AZU1: variants seen among roughly 807,000 people sequenced by gnomAD.
The protein encoded by AZU1 is azurocidin 1, also known as azurocidin.
Under a neutral mutation model 17.8 loss-of-function variants are expected in AZU1, and 21 were observed. That is an observed-to-expected ratio of 1.18 (90% CI 0.84 to 1.70). AZU1 has a LOEUF of 1.70. AZU1 is among the 40% of genes most tolerant of loss of function. The probability of loss-of-function intolerance (pLI) is 0.00; values close to 1 mark genes in which losing one functional copy is unlikely to be tolerated. For synonymous variants in AZU1, 178 were observed against 155.2 expected (o/e 1.15, Z -1.09); for missense variants, 379 against 362.9 (o/e 1.04, Z -0.36).
chr19:829,951 T>C (rs1042025505), intron 3 of AZU1, among the ~76,000 whole-genome samples: 1 of 150,990 alleles, frequency 6.6e-6, no homozygotes, highest in Non-Finnish European at 1.5e-5. Context: ...TGTGTGTGTG[T>C]GTGTGTGTGT....
At chr19:830,270 TC>T in intron 3 of AZU1, among the ~76,000 whole-genome samples, 1 of 151,998 alleles carries the variant, frequency 6.6e-6, no homozygotes, top group East Asian at 1.9e-4. Flanking sequence ...AAAAAAAACT[TC>T]CAAAAACAAT....
intron 2 of AZU1, among the ~76,000 whole-genome samples, chr19:828,712 G>C: frequency 7.3e-6 from 1 of 137,646 alleles, no homozygotes; most frequent in Non-Finnish European, 1.6e-5. Context: ...AAGGGAAGGG[G>C]CTCAGATGGA....
chr19:830,599 A>G, intron 3 of AZU1, 109 bp from the exon 4 acceptor site: 1 of 1,007,108 alleles, frequency 9.9e-7, no homozygotes, highest in South Asian at 1.9e-5. Context: ...AATTAAACGC[A>G]AACCACTTAC....
chr19:829,108 G>T (rs1208587565), intron 2 of AZU1, among the ~76,000 whole-genome samples: 1 of 111,524 alleles, frequency 9.0e-6, no homozygotes. Context: ...GAGAAGGGAA[G>T]GGGGTCAGAT....
rs757599211 is a variant in AZU1 at position 828,270 on chromosome 19, G to A, written c.99G>A (p.Ala33=). ...PLLDIVGGRK[A]RPRQFPFLAS... is the part of the protein sequence containing the mutation. ...TGGACATCGTTGGCGGCCGGAAGGCGAGGCCCCGCCAGTTCCCGTTCCTGG... is the reference window on the plus strand; with the variant it reads ...TGGACATCGTTGGCGGCCGGAAGGCAAGGCCCCGCCAGTTCCCGTTCCTGG... The change falls in exon 2 of 5, where the codon GCG becomes GCA. Residue 33 remains alanine, a synonymous_variant. Transcript: ENST00000233997. The A allele has an allele frequency of 1.9e-5, 30 of 1,609,970 alleles. No individual in the cohort carries two copies. The highest frequency in any genetic ancestry group is 1.4e-4 in the South Asian group (13 of 90,716).
chr19:831,587 G>T (rs2035288169), intron 4 of AZU1, 129 bp from the exon 5 acceptor site: 4 of 1,039,046 alleles, frequency 3.8e-6, no homozygotes, highest in East Asian at 5.3e-5. Context: ...AGAAAGAGAA[G>T]AGCCATGCAA....
Position 829,569 on chromosome 19 carries a change from G to C in AZU1, c.223G>C (p.Gly75Arg), listed in dbSNP as rs535048779. 6.2e-7 allele frequency: 1 copy of C among 1,612,808 alleles called. No individual in the cohort carries two copies. Among genetic ancestry groups the C allele is most frequent in the South Asian group, 1.1e-5 (1 of 91,076 alleles). ...AASCFQSQNP[G>R]VSTVVLGAYD... is the part of the protein sequence containing the mutation. ...TTCCTCCGCTACTCTCAGGAACCCC[G>C]GGGTTAGCACCGTGGTGCTGGGTGC... The change falls in exon 3 of 5, where the codon GGG becomes CGG. Residue 75 changes from glycine (G) to arginine (R), a missense_variant. Gly to Arg is a moderately radical substitution (Grantham distance 125). Transcript: ENST00000233997.
At chr19:829,737 C>T in intron 3 of AZU1, 31 bp downstream of exon 3, 1 of 1,603,872 alleles carries the variant, frequency 6.2e-7, no homozygotes, top group Non-Finnish European at 8.5e-7. Context: ...GTGATCCCAG[C>T]ACCTCGGGAG....
At chr19:830,464 A>G (rs189309303) in intron 3 of AZU1, among the ~76,000 whole-genome samples, 16 of 152,330 alleles carry the variant, frequency 1.1e-4, no homozygotes, top group African/African-American at 3.6e-4. Flanking sequence ...AAAAAAGTAG[A>G]GACGGGGGTT....
chr19:829,934 A>ATGTGTGTGTGTGTGTGTG, intron 3 of AZU1, among the ~76,000 whole-genome samples: 1 of 120,398 alleles, frequency 8.3e-6, no homozygotes, highest in African/African-American at 4.0e-5. Flanking sequence ...ACAAAAATAT[A>ATGTGTGTGTGTGTGTGTG]TATGTGTGTG....
rs886893547 is a variant in AZU1, at chr19:827,846, C to T, written c.-1C>T. ...CGCCTTAGCCACAGACCTGCCCCGC[C>T]ATGACCCGGCTGACAGTCCTGGCCC... On this transcript the variant is annotated 5_prime_UTR_variant, in exon 1 of 5. Transcript: ENST00000233997. 1.3e-6 allele frequency: 2 copies of T among 1,536,370 alleles called. No individual in the cohort carries two copies. Among genetic ancestry groups the T allele is most frequent in the African/African-American group, 2.7e-5 (2 of 73,204 alleles).
At position 831,865 on chromosome 19, in the gene AZU1, G is replaced by C. The variant is rs767425656; in HGVS notation, c.744G>C (p.Pro248=). 9 of 1,611,780 alleles carry C rather than the reference G, an allele frequency of 5.6e-6. 1 individual carries two copies. In the South Asian group the frequency reaches 8.8e-5, roughly 16 times the overall value. The change falls in exon 5 of 5, where the codon CCG becomes CCC. Residue 248 remains proline (P), a synonymous_variant. Coordinates refer to ENST00000233997, the MANE Select transcript of AZU1 (RefSeq NM_001700.5). ...ATGGTGTTCTCAACAACCCGGGACC[G>C]GGGCCAGCCTAGGGGGGCCTGTGAC... ...WIDGVLNNPG[P]GPA
intron 4 of AZU1, 60 bp from the exon 5 acceptor site, chr19:831,656 T>C: frequency 3.3e-6 from 5 of 1,500,326 alleles, no homozygotes; most frequent in Non-Finnish European, 4.5e-6. Flanking sequence ...GCCTCTGCAG[T>C]TCTGGGGTGG....
rs2035294659 is a variant in AZU1, at chr19:831,941, C to T, written c.*64C>T. On this transcript the variant is annotated 3_prime_UTR_variant, in exon 5 of 5. Transcript: ENST00000233997. ...CCACACCTCCGGCGCTCCGCACCCACCTCCCACGGCCCCGCCCCTGCCCCC... is the reference window on the plus strand; with the variant it reads ...CCACACCTCCGGCGCTCCGCACCCATCTCCCACGGCCCCGCCCCTGCCCCC... 4 of 1,534,530 alleles carry T rather than the reference C, an allele frequency of 2.6e-6. No homozygotes were observed. In the African/African-American group the frequency reaches 4.1e-5, roughly 16 times the overall value.
At chr19:827,944 A>G (rs1177969192) in intron 1 of AZU1, 40 bp downstream of exon 1, 30 of 1,535,148 alleles carry the variant, frequency 2.0e-5, no homozygotes, top group Non-Finnish European at 2.5e-5. Flanking sequence ...CATCTGTGCT[A>G]GGGCCCGGCT....
chr19:830,685 C>G, intron 3 of AZU1, 23 bp from the exon 4 acceptor site: 2 of 1,537,416 alleles, frequency 1.3e-6, no homozygotes, highest in Non-Finnish European at 1.7e-6. Context: ...GCCACCCTCC[C>G]CTGACTCCAT....
intron 4 of AZU1, 63 bp from the exon 5 acceptor site, chr19:831,653 C>A: frequency 6.7e-7 from 1 of 1,482,848 alleles, no homozygotes. Context: ...GAGGCCTCTG[C>A]AGTTCTGGGG....
At chr19:829,936 A>ATGTGTGTGTGTGTGTGTGTG (rs59995493) in intron 3 of AZU1, among the ~76,000 whole-genome samples, 23 of 137,764 alleles carry the variant, frequency 1.7e-4, no homozygotes, top group Non-Finnish European at 3.2e-4. Flanking sequence ...AAAAATATAT[A>ATGTGTGTGTGTGTGTGTGTG]TGTGTGTGTG....
chr19:831,269 A>G (rs897175734), intron 4 of AZU1: 3 of 344,254 alleles, frequency 8.7e-6, no homozygotes, highest in South Asian at 4.6e-5. Context: ...TAGTAGAGAC[A>G]GGGTTTCTCC....
Sources: allele counts gnomAD v4.1 joint callset (sites outside exome capture counted in the v4.1 genomes callset), GRCh38; gene constraint gnomAD v4.1.1; transcripts MANE v1.5; gene names NCBI Gene and HGNC (gene_info 2026-07-23, HGNC 2026-07-21).